The following PTN variants were observed in gnomAD, a reference collection of about 807,000 sequenced individuals.
PTN encodes the protein pleiotrophin.
A neutral mutation model predicts 24.1 loss-of-function variants in PTN; 18 were observed. The ratio of observed to expected loss-of-function variants is 0.75; its 90% confidence interval spans 0.52 to 1.11. The LOEUF is 1.11. Among genes scored for constraint, PTN ranks in the 50% least tolerant of loss-of-function variants. PTN has a pLI of 0.00. For synonymous variants in PTN, 78 were observed against 68.6 expected (o/e 1.14, Z -0.67); for missense variants, 163 against 198.8 (o/e 0.82, Z 1.08).
chr7:137,248,569 A>G (rs1808765857), intron 4 of PTN, among the ~76,000 whole-genome samples: 2 of 152,130 alleles, frequency 1.3e-5, no homozygotes, highest in Non-Finnish European at 2.9e-5. Context: ...AATCCCAGCT[A>G]CTCAGGAGGC....
chr7:137,337,635 ATG>A (rs1319085104), intron 1 of PTN, among the ~76,000 whole-genome samples: 1 of 152,226 alleles, frequency 6.6e-6, no homozygotes, highest in Non-Finnish European at 1.5e-5. Context: ...ATCGGCAACT[ATG>A]AAAAGTTTAA....
At chr7:137,263,852 C>T (rs1250803568) in intron 1 of PTN, among the ~76,000 whole-genome samples, 2 of 151,916 alleles carry the variant, frequency 1.3e-5, no homozygotes, top group Non-Finnish European at 2.9e-5. Context: ...TAGTGGGGGC[C>T]GTCCAGTCCC....
chr7:137,319,747 T>A (rs322333), intron 1 of PTN, among the ~76,000 whole-genome samples: 2 of 152,344 alleles, frequency 1.3e-5, no homozygotes, highest in South Asian at 4.1e-4. Context: ...AACACCTGAA[T>A]ACTTTTGCCG....
Position 137,228,027 on chromosome 7 carries a change from A to G in PTN, c.500T>C (p.Leu167Pro). 1 of 1,609,846 alleles carries G rather than the reference A, an allele frequency of 6.2e-7. No homozygotes were observed. Among genetic ancestry groups the G allele is most frequent in the Non-Finnish European group, 8.5e-7 (1 of 1,177,604 alleles). ...TTCCACAGGTGACATCTTTTAATCC[A>G]GCATCTTCTCCTGTTTCTTGCCTTC... ...KKEGKKQEKM[L>P]D Residue 167 changes from leucine (L) to proline (P), a missense_variant, in exon 5 of 5, where the codon CTG becomes CCG. Transcript: ENST00000348225.
intron 1 of PTN, among the ~76,000 whole-genome samples, chr7:137,280,725 A>AAAAAAAAAAAAAT (rs71176392): frequency 1.4e-5 from 2 of 138,394 alleles, no homozygotes; most frequent in Non-Finnish European, 3.1e-5. Context: ...AAAAAAAAAA[A>AAAAAAAAAAAAAT]GCTGAGTGTG....
At chr7:137,324,433 A>AAAAAAAAAAAAAAAATAT in intron 1 of PTN, among the ~76,000 whole-genome samples, 4 of 88,760 alleles carry the variant, frequency 4.5e-5, no homozygotes, top group African/African-American at 2.1e-4. Flanking sequence ...AAAAAAAAAA[A>AAAAAAAAAAAAAAAATAT]ATATATATAT....
In PTN at chr7:137,254,919, C is replaced by T. The variant is rs747136336; in HGVS notation, c.55G>A (p.Ala19Thr). ...ACAGCTGCCAGTATGAAAATGAATG[C>T]CAAGAAGGCAGCTGCAAATTTTCGA... Reference protein sequence around the residue: ...QRRKFAAAFLAFIFILAAVDT... With the variant: ...QRRKFAAAFLTFIFILAAVDT... Residue 19 changes from alanine to threonine, a missense_variant, in exon 2 of 5, where the codon GCA (alanine) becomes ACA (threonine). Ala to Thr is a moderately conservative substitution (Grantham distance 58). Coordinates refer to ENST00000348225, the MANE Select transcript of PTN (RefSeq NM_002825.7). 2 of 1,581,302 alleles carry T rather than the reference C, an allele frequency of 1.3e-6. No individual in the cohort carries two copies. The highest frequency in any genetic ancestry group is 8.7e-7 in the Non-Finnish European group (1 of 1,155,854).
At position 137,251,235 on chromosome 7, in the gene PTN, G is replaced by A; in HGVS notation, c.446C>T (p.Pro149Leu). The change falls in exon 4 of 5, where the codon CCT (proline) becomes CTT (leucine). Residue 149 changes from proline to leucine, a missense_variant. Coordinates refer to ENST00000348225, the MANE Select transcript of PTN (RefSeq NM_002825.7). ...GTATAATGGCAAGGACTTACCTTGA[G>A]GTTTGGGCTTGGTCAGTTTGCCACA... ...KPCGKLTKPK[P>L]QAESKKKKKE... 6.2e-7 allele frequency: 1 copy of A among 1,614,056 alleles called. No homozygotes were observed. The highest frequency in any genetic ancestry group is 8.5e-7 in the Non-Finnish European group (1 of 1,179,964).
At chr7:137,316,328 T>C (rs1036681774) in intron 1 of PTN, among the ~76,000 whole-genome samples, 1 of 152,198 alleles carries the variant, frequency 6.6e-6, no homozygotes, top group African/African-American at 2.4e-5. Context: ...TGTGCAAACT[T>C]GGAGCAAGGT....
At chr7:137,327,337 A>G (rs768822111) in intron 1 of PTN, among the ~76,000 whole-genome samples, 7 of 151,600 alleles carry the variant, frequency 4.6e-5, no homozygotes, top group Non-Finnish European at 8.8e-5. Context: ...TCTTGCTATC[A>G]CTCCTAACAT....
chr7:137,250,806 A>G lies in PTN; in HGVS notation c.451+424T>C, dbSNP rs548824180. 2.0e-5 allele frequency among the ~76,000 whole-genome samples: 3 copies of G among 152,336 alleles called. No homozygotes were observed. The South Asian group carries it at 6.2e-4, about 32-fold the overall frequency. On this transcript the variant is annotated intron_variant, in intron 4 of 4. Coordinates refer to ENST00000348225, the MANE Select transcript of PTN (RefSeq NM_002825.7). ...TATGCAGTGAATAAAGGGAAAATGT[A>G]AAATAATTTTCCTGATTTTGTGAAA...
chr7:137,271,889 G>A (rs1484406627), intron 1 of PTN, among the ~76,000 whole-genome samples: 1 of 152,162 alleles, frequency 6.6e-6, no homozygotes, highest in Non-Finnish European at 1.5e-5. Context: ...TCCCCACAAA[G>A]TTTTGGGATT....
chr7:137,242,460 T>C (rs1167299830), intron 4 of PTN, among the ~76,000 whole-genome samples: 1 of 152,058 alleles, frequency 6.6e-6, no homozygotes, highest in Non-Finnish European at 1.5e-5. Flanking sequence ...CATAGACATC[T>C]CTCCCTGTGT....
At chr7:137,229,948 G>C (rs529255475) in intron 4 of PTN, among the ~76,000 whole-genome samples, 87 of 151,910 alleles carry the variant, frequency 5.7e-4, no homozygotes, top group African/African-American at 2.0e-3. Flanking sequence ...AGAGAACAAT[G>C]TAGGATTTCA....
chr7:137,309,559 G>A (rs556098473), intron 1 of PTN, among the ~76,000 whole-genome samples: 3 of 152,090 alleles, frequency 2.0e-5, no homozygotes, highest in East Asian at 1.9e-4. Context: ...AAATCTAAGC[G>A]ACTCCTCTCA....
Position 137,316,760 on chromosome 7 carries a change from C to T in PTN, c.-2+26679G>A, listed in dbSNP as rs6959323. On this transcript the variant is annotated intron_variant, in intron 1 of 4. Coordinates refer to ENST00000348225, the MANE Select transcript of PTN (RefSeq NM_002825.7). ...GCAGACTGGGCTGCCAGAGCATTAC[C>T]TTTCCAGCAAATTAGCCGGCTGCCG... is the stretch of plus-strand genomic sequence containing the variant. 3.5e-3 allele frequency among the ~76,000 whole-genome samples: 538 copies of T among 152,302 alleles called. 3 individuals are homozygous for T. Among genetic ancestry groups the T allele is most frequent in the African/African-American group, 0.01 (429 of 41,570 alleles).
At chr7:137,334,015 T>C (rs1810404249) in intron 1 of PTN, among the ~76,000 whole-genome samples, 1 of 152,156 alleles carries the variant, frequency 6.6e-6, no homozygotes, top group Non-Finnish European at 1.5e-5. Flanking sequence ...CTGGATCCCT[T>C]CCTTACACCT....
At chr7:137,339,381 A>G (rs962741520) in intron 1 of PTN, among the ~76,000 whole-genome samples, 1 of 152,026 alleles carries the variant, frequency 6.6e-6, no homozygotes, top group Non-Finnish European at 1.5e-5. Flanking sequence ...CGTACAATAA[A>G]TATTGTTAAA....
intron 1 of PTN, among the ~76,000 whole-genome samples, chr7:137,278,340 G>GAAAAA (rs1554466606): frequency 9.2e-5 from 9 of 97,338 alleles, no homozygotes; most frequent in East Asian, 6.5e-4. Flanking sequence ...AAAAAAAAAT[G>GAAAAA]ACTACTAATC....
Sources: gnomAD v4.1 joint callset for allele counts (sites outside exome capture counted in the v4.1 genomes callset) on GRCh38, gnomAD v4.1.1 for gene constraint, MANE v1.5 for transcripts, NCBI Gene and HGNC (gene_info 2026-07-23, HGNC 2026-07-21) for gene names.